The following UHRF1 variants were observed in gnomAD, a reference collection of about 807,000 sequenced individuals.
UHRF1 encodes the protein E3 ubiquitin-protein ligase UHRF1.
Under a neutral mutation model 96.5 loss-of-function variants are expected in UHRF1, and 9 were observed. The observed-to-expected ratio is 0.09, with a 90% CI of 0.06 to 0.16. The LOEUF (loss-of-function observed/expected upper bound fraction) is 0.16. UHRF1 is among the 10% of genes least tolerant of loss of function. The pLI is 1.00. For synonymous variants in UHRF1, 455 were observed against 469.9 expected (o/e 0.97, Z 0.41); for missense variants, 626 against 1,131.1 (o/e 0.55, Z 6.40).
Position 4,944,690 on chromosome 19 carries a change from C to T in UHRF1, c.1305+240C>T, listed in dbSNP as rs371331300. 3.9e-5 allele frequency among the ~76,000 whole-genome samples: 6 copies of T among 152,332 alleles called. No individual in the cohort carries two copies. The East Asian group carries it at 5.8e-4, about 15-fold the overall frequency. On this transcript the variant is annotated intron_variant, in intron 9 of 16. Coordinates refer to ENST00000650932, the MANE Select transcript of UHRF1 (RefSeq NM_001048201.3). ...GCTCAGAGACACGTAAGGTCATTCC[C>T]AAAGCTCCTGTCCCAGGGAAGGGGT... is the stretch of plus-strand genomic sequence containing the variant.
upstream of UHRF1, chr19:4,909,236 C>T: frequency 5.8e-6 from 3 of 513,552 alleles, no homozygotes; most frequent in Admixed American, 4.2e-5. Context: ...GTCCCCAAGG[C>T]TCCTGGGGTG....
chr19:4,918,000 T>G (rs1332656888), intron 2 of UHRF1, among the ~76,000 whole-genome samples: 1 of 152,068 alleles, frequency 6.6e-6, no homozygotes, highest in East Asian at 1.9e-4. Context: ...ATTCCAAATG[T>G]CCAAAAAGCA....
chr19:4,954,551 G>C lies in UHRF1; in HGVS notation c.1957+63G>C. 2 of 1,583,478 alleles carry C rather than the reference G, an allele frequency of 1.3e-6. No individual in the cohort carries two copies. The highest frequency in any genetic ancestry group is 1.2e-5 in the South Asian group (1 of 86,484). ...GTGGGGGAGCAGGTGGGCATCTCGC[G>C]GGTGTGGGGTTGAGGTCGTGTGGAC... On this transcript the variant is annotated intron_variant, in intron 14 of 16. Transcript: ENST00000650932. The surrounding 1 kb of genome is among the most constrained non-coding windows in gnomAD (Gnocchi z 5.9).
chr19:4,955,877 C>G (rs1381825753), intron 15 of UHRF1, among the ~76,000 whole-genome samples: 1 of 152,098 alleles, frequency 6.6e-6, no homozygotes, highest in Non-Finnish European at 1.5e-5. Flanking sequence ...AGGTCACTGC[C>G]TCCTTGAACT....
At chr19:4,950,584 T>C (rs768705458) in intron 11 of UHRF1, 27 bp from the exon 12 acceptor site, 7 of 1,605,240 alleles carry the variant, frequency 4.4e-6, no homozygotes, top group Admixed American at 3.4e-5. Flanking sequence ...TCACCTATAA[T>C]GCGTGGGGTC....
chr19:4,949,132 AAAG>A (rs1295123901), intron 11 of UHRF1, among the ~76,000 whole-genome samples: 3 of 151,984 alleles, frequency 2.0e-5, no homozygotes, highest in East Asian at 1.9e-4. Context: ...AAAAAAAAAA[AAAG>A]AGAATATGGA....
intron 2 of UHRF1, among the ~76,000 whole-genome samples, chr19:4,915,585 T>C (rs1043988356): frequency 2.6e-5 from 4 of 152,206 alleles, no homozygotes; most frequent in African/African-American, 9.6e-5. Context: ...TGGTGGCGCA[T>C]GTCTGTAGTT....
intron 9 of UHRF1, among the ~76,000 whole-genome samples, chr19:4,945,400 A>T (rs909742735): frequency 2.0e-5 from 3 of 152,108 alleles, no homozygotes; most frequent in African/African-American, 4.8e-5. Flanking sequence ...CTGGGATCAC[A>T]GGGACATGCC....
chr19:4,944,498 C>G, intron 9 of UHRF1, 48 bp downstream of exon 9: 1 of 1,600,942 alleles, frequency 6.2e-7, no homozygotes, highest in Non-Finnish European at 8.6e-7. Context: ...GCTCATCCTG[C>G]TTTTCTGGGG....
intron 5 of UHRF1, among the ~76,000 whole-genome samples, chr19:4,939,989 A>C (rs966633296): frequency 1.4e-5 from 2 of 147,836 alleles, no homozygotes; most frequent in African/African-American, 2.5e-5. Context: ...GTGCCACTGC[A>C]CTCCAGCCTG....
intron 5 of UHRF1, among the ~76,000 whole-genome samples, chr19:4,933,879 C>G (rs1040940358): frequency 2.0e-5 from 3 of 151,786 alleles, no homozygotes; most frequent in African/African-American, 7.3e-5. Context: ...GACTATGCGG[C>G]CTACAAAGCT....
chr19:4,914,372 T>C (rs1239181916), intron 2 of UHRF1, among the ~76,000 whole-genome samples: 2 of 152,174 alleles, frequency 1.3e-5, no homozygotes, highest in Admixed American at 6.6e-5. Context: ...GTTGTCCTTA[T>C]AGAATGTTCT....
intron 11 of UHRF1, among the ~76,000 whole-genome samples, chr19:4,947,780 T>C (rs1392214141): frequency 6.6e-6 from 1 of 151,956 alleles, no homozygotes; most frequent in Non-Finnish European, 1.5e-5. Flanking sequence ...ATTACAGGCA[T>C]GAGCCACTGC....
At chr19:4,944,495 C>T (rs1373378154) in intron 9 of UHRF1, 45 bp downstream of exon 9, 1 of 1,604,136 alleles carries the variant, frequency 6.2e-7, no homozygotes, top group South Asian at 1.1e-5. Flanking sequence ...CGGGCTCATC[C>T]TGCTTTTCTG....
intron 1 of UHRF1, chr19:4,910,673 TG>T: frequency 2.3e-6 from 1 of 442,694 alleles, no homozygotes; most frequent in Non-Finnish European, 4.0e-6. Context: ...CTTCAACACT[TG>T]GCTAGTCGTT....
At chr19:4,909,305 C>T, upstream of UHRF1, 1 of 546,834 alleles carries the variant, frequency 1.8e-6, no homozygotes, top group African/African-American at 2.0e-5. Flanking sequence ...CTGGGCGCGC[C>T]CAGCAGAGCG....
intron 1 of UHRF1, 55 bp downstream of exon 1, chr19:4,909,710 G>A (rs374574074): frequency 6.0e-6 from 3 of 503,054 alleles, no homozygotes; most frequent in Non-Finnish European, 3.5e-6. Context: ...ACGGGGCTCG[G>A]GAACTTTGCA....
chr19:4,910,824 G>T (rs1333683954), intron 1 of UHRF1, 52 bp from the exon 2 acceptor site: 1 of 1,552,422 alleles, frequency 6.4e-7, no homozygotes. Flanking sequence ...GCATGGCATG[G>T]CTCAGAGGTG....
intron 16 of UHRF1, among the ~76,000 whole-genome samples, chr19:4,958,466 G>A (rs1311754273): frequency 6.6e-6 from 1 of 152,206 alleles, no homozygotes; most frequent in Non-Finnish European, 1.5e-5. Flanking sequence ...TGGGAGCCCC[G>A]TGGCGGTAGG....
Sources: gnomAD v4.1 joint callset for allele counts (sites outside exome capture counted in the v4.1 genomes callset) on GRCh38, gnomAD v4.1.1 for gene constraint, Gnocchi (gnomAD v3.1) non-coding constraint, MANE v1.5 for transcripts, NCBI Gene and HGNC (gene_info 2026-07-23, HGNC 2026-07-21) for gene names.